Variants in TTN observed in about 807,000 individuals in gnomAD.
TTN encodes the protein connectin.
In TTN, 1,525 loss-of-function variants were observed where a neutral mutation model predicts 3,223.0. The ratio of observed to expected loss-of-function variants is 0.47; its 90% CI spans 0.45 to 0.49. The LOEUF (loss-of-function observed/expected upper bound fraction) is 0.49. TTN is among the 20% of genes least tolerant of loss of function. The pLI, the probability that TTN is intolerant of heterozygous loss-of-function variation, is 0.00. For synonymous variants in TTN, 14,094 were observed against 15,161.0 expected (o/e 0.93, Z 5.17); for missense variants, 40,786 against 43,424.0 (o/e 0.94, Z 5.40).
chr2:178,731,511 G>A lies in TTN; in HGVS notation c.17255C>T (p.Thr5752Ile). ...CGTAATTGGCAAGGAGCCCTTCAGA[G>A]TGGCCTGGAAGGCAGCTGTGCCTCC... ...LRGGTAAFQA[T>I]LKGSLPITVT... Residue 5752 changes from threonine (T) to isoleucine (I), a missense_variant, in exon 59 of 363, where the codon ACT becomes ATT. Physicochemically the swap from Thr to Ile is moderately conservative, Grantham distance 89. Coordinates refer to ENST00000589042, the MANE Select transcript of TTN (RefSeq NM_001267550.2). 4 of 1,613,502 alleles carry A rather than the reference G, an allele frequency of 2.5e-6. No homozygotes were observed. The highest frequency in any genetic ancestry group is 3.4e-6 in the Non-Finnish European group (4 of 1,179,672).
rs2055555146 is a variant in TTN, at chr2:178,608,800, T to C, written c.52211A>G (p.Tyr17404Cys). 6.2e-7 allele frequency: 1 copy of C among 1,612,546 alleles called. No individual in the cohort carries two copies. Among genetic ancestry groups the C allele is most frequent in the Admixed American group, 1.7e-5 (1 of 59,926 alleles). ...TGTCTTGTCTTTCTTTTCCAAAGTG[T>C]AGTTTATGATTTCACTGCCACCATC... ...LDDGGSEIIN[Y>C]TLEKKDKTKP... is the part of the protein sequence containing the mutation. The change falls in exon 274 of 363, where the codon TAC becomes TGC. Residue 17404 changes from tyrosine to cysteine, a missense_variant. Tyr to Cys is a radical substitution (Grantham distance 194). Coordinates refer to ENST00000589042, the MANE Select transcript of TTN (RefSeq NM_001267550.2).
rs376046284 is a variant in TTN at position 178,714,491 on chromosome 2, G to A, written c.26283C>T (p.Gly8761=). The A allele has an allele frequency of 2.4e-5, 39 of 1,613,210 alleles. No homozygotes were observed. Among genetic ancestry groups the A allele is most frequent in the African/African-American group, 2.1e-4 (16 of 74,854 alleles). The change falls in exon 91 of 363, where the codon GGC becomes GGT. Residue 8761 remains glycine, a synonymous_variant. Coordinates refer to ENST00000589042, the MANE Select transcript of TTN (RefSeq NM_001267550.2). The stretch of plus-strand genomic sequence containing the variant: ...ACCACACCACTGAAATGGGTTCAGC[G>A]CCTTCAATGGTAGTCTGCAGCTGAA... ...KEVQLQTTIE[G]AEPISVVWFK... is the part of the protein sequence containing the mutation.
At chr2:178,746,350 A>G (rs751555044) in intron 47 of TTN, 2 of 1,612,444 alleles carry the variant, frequency 1.2e-6, no homozygotes, top group Admixed American at 3.3e-5. Flanking sequence ...AATTAAATGG[A>G]AGAACATCTA....
In TTN at chr2:178,681,339, C is replaced by T. The variant is rs1040314435; in HGVS notation, c.33247+37G>A. On this transcript the variant is annotated intron_variant, in intron 137 of 362. Coordinates refer to ENST00000589042, the MANE Select transcript of TTN (RefSeq NM_001267550.2). ...AGACATGATTTTAGAACATACATAA[C>T]AAAGTTGTTTTTGGTGATTATTACT... is the stretch of plus-strand genomic sequence containing the variant. 9 of 1,574,234 alleles carry T rather than the reference C, an allele frequency of 5.7e-6. No individual in the cohort carries two copies. The African/African-American group carries it at 1.2e-4, about 21-fold the overall frequency.
chr2:178,546,199 T>G lies in TTN; in HGVS notation c.95119+13A>C. ...AAATGCTATATAAATGTGAGAACAT[T>G]TGACATGCTTACCAAGCACTTTGAC... On this transcript the variant is annotated intron_variant, in intron 342 of 362. Transcript: ENST00000589042. 6.2e-7 allele frequency: 1 copy of G among 1,601,076 alleles called. No homozygotes were observed. The highest frequency in any genetic ancestry group is 8.5e-7 in the Non-Finnish European group (1 of 1,172,410).
intron 210 of TTN, 72 bp downstream of exon 210, chr2:178,650,092 C>T (rs1021513876): frequency 1.3e-5 from 18 of 1,410,712 alleles, no homozygotes; most frequent in Non-Finnish European, 1.6e-5. Flanking sequence ...TGATATTTTG[C>T]CTTAAGGAAG....
chr2:178,575,741 C>G lies in TTN; in HGVS notation c.70391G>C (p.Gly23464Ala). 2 of 1,613,516 alleles carry G rather than the reference C, an allele frequency of 1.2e-6. No homozygotes were observed. Among genetic ancestry groups the G allele is most frequent in the Non-Finnish European group, 1.7e-6 (2 of 1,179,638 alleles). The change falls in exon 326 of 363, where the codon GGC becomes GCC. Residue 23464 changes from glycine (G) to alanine (A), a missense_variant. Transcript: ENST00000589042. The surrounding 1 kb of genome is among the most constrained non-coding windows in gnomAD (Gnocchi z 4.0). ...TACAATGTAGTTTGTTATACGTGAG[C>G]CTCCATCTATCAGAGGGAGGTCCCA... Reference protein sequence around the residue: ...LHWDLPLIDGGSRITNYIVEK... With the variant: ...LHWDLPLIDGASRITNYIVEK...
Position 178,584,709 on chromosome 2 carries a change from C to T in TTN, c.64932G>A (p.Glu21644=). 1 of 1,613,454 alleles carries T rather than the reference C, an allele frequency of 6.2e-7. No homozygotes were observed. The highest frequency in any genetic ancestry group is 8.5e-7 in the Non-Finnish European group (1 of 1,179,572). ...CAACCATCTTTGGAGATGTGAGAGG[C>T]TCTGAAATGCCAAATCGGTTTTCAG... ...VRAENRFGIS[E]PLTSPKMVAQ... The change falls in exon 310 of 363, where the codon GAG becomes GAA. Residue 21644 remains glutamate (E), a synonymous_variant. Transcript: ENST00000589042.
At position 178,531,815 on chromosome 2, in the gene TTN, G is replaced by A. The variant is rs1461686325; in HGVS notation, c.104800C>T (p.Gln34934Ter). The A allele has an allele frequency of 6.2e-7, 1 of 1,614,008 alleles. No individual in the cohort carries two copies. Among genetic ancestry groups the A allele is most frequent in the South Asian group, 1.1e-5 (1 of 91,082 alleles). The change falls in exon 358 of 363, where the codon CAG becomes TAG. Residue 34934 changes from glutamine (Q) to a stop codon, truncating the protein, a stop_gained. Coordinates refer to ENST00000589042, the MANE Select transcript of TTN (RefSeq NM_001267550.2). LOFTEE classifies it high-confidence loss of function. The part of the protein sequence containing the change: ...SERKYEVLSQ[Q>*]PFTLDHAPRI... ...GGGGCATGGTCCAGTGTGAAAGGCT[G>A]CTGACTCAAAACTTCATACTTCCTT...
At chr2:178,795,764 A>G (rs528042075) in intron 6 of TTN, among the ~76,000 whole-genome samples, 1 of 152,002 alleles carries the variant, frequency 6.6e-6, no homozygotes, top group South Asian at 2.1e-4. Context: ...AGCCTTTACT[A>G]TGTCAGTATG....
intron 286 of TTN, 37 bp downstream of exon 286, chr2:178,601,621 G>C: frequency 6.3e-7 from 1 of 1,582,416 alleles, no homozygotes; most frequent in Non-Finnish European, 8.6e-7. Flanking sequence ...AAAATAATTT[G>C]TTTTTATTCT....
chr2:178,684,382 T>G lies in TTN; in HGVS notation c.32670A>C (p.Glu10890Asp). The G allele has an allele frequency of 6.2e-7, 1 of 1,613,658 alleles. No individual in the cohort carries two copies. The highest frequency in any genetic ancestry group is 1.3e-5 in the African/African-American group (1 of 75,026). ...TAGTTACAGCAACAAGAACTTTTTCTTCCTGGGTAATTTGCATGTGCCTCT... is the reference window on the plus strand; with the variant it reads ...TAGTTACAGCAACAAGAACTTTTTCGTCCTGGGTAATTTGCATGTGCCTCT... ...VTERHMQITQ[E>D]EKVLVAVTKK... The change falls in exon 132 of 363, where the codon GAA becomes GAC. Residue 10890 changes from glutamate to aspartate, a missense_variant. Transcript: ENST00000589042.
Position 178,574,229 on chromosome 2 carries a change from T to G in TTN, c.71903A>C (p.Asn23968Thr), listed in dbSNP as rs769320596. The G allele has an allele frequency of 2.7e-5, 43 of 1,613,208 alleles. No individual in the cohort carries two copies. Among genetic ancestry groups the G allele is most frequent in the Non-Finnish European group, 1.2e-5 (14 of 1,179,518 alleles). The change falls in exon 326 of 363, where the codon AAT (asparagine) becomes ACT (threonine). Residue 23968 changes from asparagine to threonine, a missense_variant. Transcript: ENST00000589042. Reference protein sequence around the residue: ...SYIVEKRDLPNGRWLKANFSN... With the variant: ...SYIVEKRDLPTGRWLKANFSN... ...GAAGTTGGCCTTCAGCCACCGTCCATTAGGAAGGTCTCTCTTTTCAACGAT... is the reference window on the plus strand; with the variant it reads ...GAAGTTGGCCTTCAGCCACCGTCCAGTAGGAAGGTCTCTCTTTTCAACGAT...
chr2:178,664,422 C>G (rs760170718), intron 168 of TTN, 38 bp downstream of exon 168: 1 of 1,495,864 alleles, frequency 6.7e-7, no homozygotes, highest in Non-Finnish European at 9.2e-7. Flanking sequence ...TATCGCCCCA[C>G]CCACTATCCC....
Position 178,731,296 on chromosome 2 carries a change from T to G in TTN, c.17461+9A>C. 1 of 1,613,362 alleles carries G rather than the reference T, an allele frequency of 6.2e-7. No homozygotes were observed. The highest frequency in any genetic ancestry group is 8.5e-7 in the Non-Finnish European group (1 of 1,179,430). On this transcript the variant is annotated intron_variant, in intron 59 of 362. Coordinates refer to ENST00000589042, the MANE Select transcript of TTN (RefSeq NM_001267550.2). ...TTCCTCAAACCCAAGGCAAACGTTC[T>G]GAACCAACCTTTTACTGAGAGTAAT...
chr2:178,734,956 A>G lies in TTN; in HGVS notation c.14968T>C (p.Ser4990Pro). 6.2e-7 allele frequency: 1 copy of G among 1,601,972 alleles called. No individual in the cohort carries two copies. The highest frequency in any genetic ancestry group is 8.5e-7 in the Non-Finnish European group (1 of 1,172,970). Residue 4990 changes from serine (S) to proline (P), a missense_variant, in exon 51 of 363, where the codon TCT becomes CCT. Transcript: ENST00000589042. ...PPSFVKKVDP[S>P]YLMLPGESAR... is the part of the protein sequence containing the mutation. ...GATTCACCTGGGAGCATTAAATAAG[A>G]GGGATCCACCTTCTTCACGAAGGAT...
rs1205858771 is a variant in TTN, at chr2:178,616,905, G to A, written c.47984C>T (p.Thr15995Ile). ...PSTGYPRPTA[T>I]WCFGDKVLET... Reference sequence around the variant, plus strand: ...TAGTACTTTATCTCCAAAACACCAGGTTGCAGTTGGCCTTGGATAGCCTGT... The same window carrying A: ...TAGTACTTTATCTCCAAAACACCAGATTGCAGTTGGCCTTGGATAGCCTGT... The change falls in exon 256 of 363, where the codon ACC becomes ATC. Residue 15995 changes from threonine (T) to isoleucine (I), a missense_variant. Physicochemically the swap from Thr to Ile is moderately conservative, Grantham distance 89. Transcript: ENST00000589042. 1.9e-6 allele frequency: 3 copies of A among 1,612,698 alleles called. No homozygotes were observed. In the East Asian group the frequency reaches 6.7e-5, roughly 36 times the overall value.
intron 335 of TTN, 150 bp from the exon 336 acceptor site, chr2:178,551,410 G>T: frequency 1.4e-6 from 1 of 729,918 alleles, no homozygotes; most frequent in Non-Finnish European, 2.0e-6. Context: ...AACTCATATT[G>T]GTCATTAATT....
Position 178,533,826 on chromosome 2 carries a change from AGG to A in TTN, c.102787_102788del (p.Pro34263SerfsTer3). The A allele has an allele frequency of 6.2e-7, 1 of 1,613,974 alleles. No homozygotes were observed. Among genetic ancestry groups the A allele is most frequent in the Non-Finnish European group, 8.5e-7 (1 of 1,179,884 alleles). ...CTACATAAGCTGTCTTATTATAGAG[AGG>A]CAGGGTAAATTCTGGTGGCCTTTCC... ...LLERPPEFTLPLYNKTAYVGE... is the reference protein window; with the variant it reads ...LLERPPEFTLXLYNKTAYVGE... On this transcript the variant is annotated frameshift_variant, in exon 358 of 363. Coordinates refer to ENST00000589042, the MANE Select transcript of TTN (RefSeq NM_001267550.2). LOFTEE classifies it high-confidence loss of function.
Sources: allele counts gnomAD v4.1 joint callset (sites outside exome capture counted in the v4.1 genomes callset), GRCh38; gene constraint gnomAD v4.1.1; non-coding constraint Gnocchi (gnomAD v3.1); transcripts MANE v1.5; gene names NCBI Gene and HGNC (gene_info 2026-07-23, HGNC 2026-07-21).